The following MET variants were observed in gnomAD, a reference collection of about 807,000 sequenced individuals.
MET encodes hepatocyte growth factor receptor.
MET carries 48 observed loss-of-function variants against 133.1 expected under a neutral mutation model. The observed-to-expected ratio is 0.36, with a 90% CI of 0.29 to 0.46. MET has a LOEUF of 0.46. MET is among the 20% of genes least tolerant of loss of function. The probability of loss-of-function intolerance (pLI) is 1.00; values close to 1 mark genes in which losing one functional copy is unlikely to be tolerated. For missense variants in MET, 1,442 were observed against 1,695.9 expected (o/e 0.85, Z 2.63); for synonymous variants, 628 against 616.5 (o/e 1.02, Z -0.28).
At position 116,797,285 on chromosome 7, in the gene MET, C is replaced by T. The variant is rs1188824082; in HGVS notation, c.*1161C>T. On this transcript the variant is annotated 3_prime_UTR_variant, in exon 21 of 21. Coordinates refer to ENST00000397752, the MANE Select transcript of MET (RefSeq NM_000245.4). The stretch of plus-strand genomic sequence containing the variant: ...ATTTTACTAAAAGGTTCATTGGTTC[C>T]AATCACAGCTCATAGGTAGAGCAAA... 1 of 222,482 alleles carries T rather than the reference C, an allele frequency of 4.5e-6. No individual in the cohort carries two copies. Among genetic ancestry groups the T allele is most frequent in the African/African-American group, 2.3e-5 (1 of 44,336 alleles). The allele number at this position is 222,482 out of a possible 1,614,324, so 13.8% of individuals were successfully genotyped here.
chr7:116,779,274 A>G (rs1447694084), intron 17 of MET, among the ~76,000 whole-genome samples: 1 of 152,222 alleles, frequency 6.6e-6, no homozygotes, highest in Non-Finnish European at 1.5e-5. Context: ...GTGGAAGCAG[A>G]GCAAGCCTCA....
At chr7:116,712,200 C>T (rs1021750680) in intron 2 of MET, among the ~76,000 whole-genome samples, 2 of 152,194 alleles carry the variant, frequency 1.3e-5, no homozygotes, top group Admixed American at 1.3e-4. Flanking sequence ...GTCAAGTGAA[C>T]ACTTTTTCCC....
At chr7:116,679,083 C>T (rs1386845287) in intron 1 of MET, among the ~76,000 whole-genome samples, 1 of 152,092 alleles carries the variant, frequency 6.6e-6, no homozygotes, top group Admixed American at 6.5e-5. Context: ...AGTTGTAATC[C>T]TTACTAACCC....
At chr7:116,683,044 GT>G (rs1796419951) in intron 1 of MET, among the ~76,000 whole-genome samples, 1 of 151,916 alleles carries the variant, frequency 6.6e-6, no homozygotes, top group Non-Finnish European at 1.5e-5. Context: ...AACTCTTCCC[GT>G]GTTTAAAATC....
intron 2 of MET, among the ~76,000 whole-genome samples, chr7:116,718,310 C>T (rs1273784620): frequency 6.6e-6 from 1 of 152,064 alleles, no homozygotes; most frequent in Non-Finnish European, 1.5e-5. Flanking sequence ...ATTGCTTGAA[C>T]CCAGGAGGCG....
At position 116,780,559 on chromosome 7, in the gene MET, A is replaced by G. The variant is rs535744947; in HGVS notation, c.3523-1429A>G. Among the ~76,000 whole-genome samples the G allele has an allele frequency of 2.4e-4, 37 of 152,216 alleles. 1 individual carries two copies. Among genetic ancestry groups the G allele is most frequent in the Non-Finnish European group, 2.5e-4 (17 of 68,034 alleles). On this transcript the variant is annotated intron_variant, in intron 17 of 20. Transcript: ENST00000397752. ...ACCTTCTCTAGGGTACTGTTACCCC[A>G]GGATTAAAGCATGATAGAGATTTCC...
chr7:116,746,184 C>T (rs1244818772), intron 5 of MET, among the ~76,000 whole-genome samples: 2 of 152,230 alleles, frequency 1.3e-5, no homozygotes, highest in Non-Finnish European at 2.9e-5. Flanking sequence ...AAAAAATGCT[C>T]ATTATCACTG....
intron 19 of MET, among the ~76,000 whole-genome samples, chr7:116,784,491 T>C (rs779234527): frequency 1.3e-5 from 2 of 152,126 alleles, no homozygotes; most frequent in Admixed American, 1.3e-4. Flanking sequence ...CTTTTACCCA[T>C]AGCAGAAGGC....
intron 1 of MET, among the ~76,000 whole-genome samples, chr7:116,678,317 A>G (rs2116458149): frequency 6.6e-6 from 1 of 152,334 alleles, no homozygotes; most frequent in Middle Eastern, 3.4e-3. Flanking sequence ...CAGTGCACAT[A>G]CAGTATACAT....
intron 19 of MET, among the ~76,000 whole-genome samples, chr7:116,790,684 T>C (rs531720730): frequency 6.6e-6 from 1 of 152,330 alleles, no homozygotes; most frequent in East Asian, 1.9e-4. Flanking sequence ...TGGGGACCTC[T>C]CTACTGTTTT....
At chr7:116,757,342 C>T in intron 6 of MET, 95 bp from the exon 7 acceptor site, 2 of 974,358 alleles carry the variant, frequency 2.1e-6, no homozygotes, top group Non-Finnish European at 3.2e-6. Context: ...AAGCAGTCAG[C>T]TCACCATTTA....
At chr7:116,731,627 G>A (rs769706345) in intron 2 of MET, 41 bp from the exon 3 acceptor site, 2 of 1,606,474 alleles carry the variant, frequency 1.2e-6, no homozygotes, top group Non-Finnish European at 8.5e-7. Flanking sequence ...GCTTGTTCAT[G>A]TCTGGATTCA....
At chr7:116,755,056 C>T (rs147707965) in intron 5 of MET, among the ~76,000 whole-genome samples, 17 of 68,750 alleles carry the variant, frequency 2.5e-4, no homozygotes, top group East Asian at 5.1e-4. Flanking sequence ...AAAGAAAGAA[C>T]GGAAGGACTC....
chr7:116,762,319 C>A (rs1794432851), intron 10 of MET, among the ~76,000 whole-genome samples: 1 of 152,150 alleles, frequency 6.6e-6, no homozygotes, highest in African/African-American at 2.4e-5. Flanking sequence ...AGCTGTGTGA[C>A]CTGGCCTAAT....
intron 2 of MET, among the ~76,000 whole-genome samples, chr7:116,712,307 C>T (rs569853349): frequency 3.3e-5 from 5 of 152,254 alleles, no homozygotes; most frequent in African/African-American, 9.6e-5. Flanking sequence ...GGATTTGTTG[C>T]GTTTCCTGAG....
chr7:116,747,245 T>A (rs187367634), intron 5 of MET, among the ~76,000 whole-genome samples: 1 of 152,030 alleles, frequency 6.6e-6, no homozygotes, highest in East Asian at 1.9e-4. Flanking sequence ...ATGGGCAAAA[T>A]AACCAGCTAG....
At chr7:116,729,761 C>A (rs1792927003) in intron 2 of MET, among the ~76,000 whole-genome samples, 1 of 152,138 alleles carries the variant, frequency 6.6e-6, no homozygotes, top group Non-Finnish European at 1.5e-5. Context: ...CCCATTTGTC[C>A]CTTATAAACT....
intron 19 of MET, among the ~76,000 whole-genome samples, chr7:116,784,056 G>C (rs1364466436): frequency 1.3e-5 from 2 of 152,216 alleles, no homozygotes; most frequent in African/African-American, 4.8e-5. Flanking sequence ...TGGAGAAGTG[G>C]CATTTGAATT....
At chr7:116,729,404 G>C (rs1362261120) in intron 2 of MET, among the ~76,000 whole-genome samples, 2 of 152,240 alleles carry the variant, frequency 1.3e-5, no homozygotes, top group East Asian at 3.9e-4. Flanking sequence ...AAAGTCAGTA[G>C]ATGTAAAAAC....
Sources: gnomAD v4.1 joint callset for allele counts (sites outside exome capture counted in the v4.1 genomes callset) on GRCh38, gnomAD v4.1.1 for gene constraint, MANE v1.5 for transcripts, NCBI Gene and HGNC (gene_info 2026-07-23, HGNC 2026-07-21) for gene names.